NCKAP5: variants seen among roughly 807,000 people sequenced by gnomAD.
NCKAP5 encodes nck-associated protein 5.
A neutral mutation model predicts 167.0 loss-of-function variants in NCKAP5; 92 were observed. The observed-to-expected ratio is 0.55, with a 90% confidence interval of 0.47 to 0.66. The LOEUF is 0.66. Among genes scored for constraint, NCKAP5 ranks in the 30% least tolerant of loss-of-function variants. The pLI is 0.00. For synonymous variants in NCKAP5, 891 were observed against 877.4 expected (o/e 1.02, Z -0.27); for missense variants, 2,378 against 2,315.0 (o/e 1.03, Z -0.56).
Position 132,672,970 on chromosome 2 carries a change from A to G in NCKAP5, c.*319T>C. On this transcript the variant is annotated 3_prime_UTR_variant, in exon 20 of 20. Coordinates refer to ENST00000409261, the MANE Select transcript of NCKAP5 (RefSeq NM_207363.3). ...TCAAGCGGTGCACCCCCCACCCCCC[A>G]CCCATCATTTCTTAAGCGCTCCAGT... 2 of 131,386 alleles carry G rather than the reference A, an allele frequency of 1.5e-5. No individual in the cohort carries two copies. The highest frequency in any genetic ancestry group is 6.4e-4 in the South Asian group (2 of 3,124). The allele number at this position is 131,386 out of a possible 1,614,324, so 8.1% of individuals were successfully genotyped here.
chr2:133,575,233 A>G, the NCKAP5 span, among the ~76,000 whole-genome samples: 2 of 152,232 alleles, frequency 1.3e-5, no homozygotes, highest in African/African-American at 4.8e-5. Flanking sequence ...CTCTGTTGTC[A>G]CTGCTGGCTT....
chr2:133,145,856 A>G (rs2083174125), intron 5 of NCKAP5, among the ~76,000 whole-genome samples: 1 of 152,114 alleles, frequency 6.6e-6, no homozygotes, highest in Admixed American at 6.6e-5. Flanking sequence ...ACCACCCCCA[A>G]GAATTAAAAA....
intron 3 of NCKAP5, among the ~76,000 whole-genome samples, chr2:133,361,945 T>A (rs534626134): frequency 6.6e-6 from 1 of 151,796 alleles, no homozygotes; most frequent in African/African-American, 2.4e-5. Flanking sequence ...ACTATAAGCA[T>A]AAAGAGTGTA....
At chr2:133,555,439 A>G (rs550540138) in intron 2 of NCKAP5, among the ~76,000 whole-genome samples, 99 of 152,358 alleles carry the variant, frequency 6.5e-4, no homozygotes, top group African/African-American at 2.4e-3. Context: ...AGGCTTATAG[A>G]TCAAAAAAGC....
In NCKAP5 at chr2:132,783,657, G is replaced by C. The variant is rs764721742; in HGVS notation, c.3154C>G (p.Gln1052Glu). ...TCCCTTTGTGGGGTCCCAAGTGTTT[G>C]GCGAGGAGAGGTTTTGGGGACACCT... The part of the protein sequence containing the change: ...KRGVPKTSPR[Q>E]TLGTPQRDIG... The change falls in exon 14 of 20, where the codon CAA becomes GAA. Residue 1052 changes from glutamine to glutamate, a missense_variant. This residue lies in a region of NCKAP5 where 1,325 missense variants were observed against 1,274.5 expected (regional missense o/e 1.04). Transcript: ENST00000409261. 4 of 1,613,934 alleles carry C rather than the reference G, an allele frequency of 2.5e-6. No homozygotes were observed. Among genetic ancestry groups the C allele is most frequent in the Non-Finnish European group, 3.4e-6 (4 of 1,179,878 alleles).
intron 3 of NCKAP5, among the ~76,000 whole-genome samples, chr2:133,413,784 T>A (rs1688929043): frequency 6.6e-6 from 1 of 152,202 alleles, no homozygotes; most frequent in Non-Finnish European, 1.5e-5. Context: ...ATCTGATGCC[T>A]TCAGACAGGC....
rs536806735 is a variant in NCKAP5 at position 132,676,976 on chromosome 2, C to T, written c.5714-3671G>A. On this transcript the variant is annotated intron_variant, in intron 19 of 19. Transcript: ENST00000409261. ...AGCTCTCAACTTTCATCTTGGAAAA[C>T]TACTTTATGAATATTAGCCAATATT... Among the ~76,000 whole-genome samples, 55 of 152,260 alleles carry T rather than the reference C, an allele frequency of 3.6e-4. 2 individuals carry two copies. The South Asian group carries it at 0.01, about 28-fold the overall frequency.
chr2:133,037,482 A>T (rs1466878635), intron 6 of NCKAP5, among the ~76,000 whole-genome samples: 4 of 152,142 alleles, frequency 2.6e-5, no homozygotes, highest in African/African-American at 7.2e-5. Context: ...GAAAATCTAG[A>T]AACAAATCCA....
intron 4 of NCKAP5, among the ~76,000 whole-genome samples, chr2:133,300,056 C>T (rs1354091898): frequency 2.2e-5 from 3 of 138,716 alleles, no homozygotes; most frequent in African/African-American, 8.5e-5. Flanking sequence ...TCGACACATA[C>T]ACTCTCCCAA....
chr2:133,497,606 G>C (rs764834650), intron 3 of NCKAP5, among the ~76,000 whole-genome samples: 1 of 152,186 alleles, frequency 6.6e-6, no homozygotes, highest in Middle Eastern at 3.4e-3. Context: ...CTCACTAATC[G>C]CCTTGTCCTA....
chr2:133,589,526 G>C, the NCKAP5 span, among the ~76,000 whole-genome samples: 2 of 152,164 alleles, frequency 1.3e-5, no homozygotes, highest in African/African-American at 4.8e-5. Context: ...AGAGACCCAG[G>C]ATGGAGGTAT....
At chr2:133,444,931 C>T (rs1414315528) in intron 3 of NCKAP5, among the ~76,000 whole-genome samples, 2 of 152,148 alleles carry the variant, frequency 1.3e-5, no homozygotes, top group Non-Finnish European at 2.9e-5. Context: ...TAACTAATTA[C>T]TTGCATTTTA....
At chr2:132,914,726 C>T (rs998337095) in intron 8 of NCKAP5, among the ~76,000 whole-genome samples, 2 of 151,884 alleles carry the variant, frequency 1.3e-5, no homozygotes, top group Admixed American at 1.3e-4. Context: ...TTTCACCACC[C>T]GATAATTTTA....
intron 9 of NCKAP5, among the ~76,000 whole-genome samples, chr2:132,874,071 T>C (rs949976813): frequency 6.6e-6 from 1 of 151,536 alleles, no homozygotes; most frequent in East Asian, 1.9e-4. Flanking sequence ...AAGTGACAAG[T>C]ACGATCGTCT....
At chr2:133,437,767 T>C (rs1284893959) in intron 3 of NCKAP5, among the ~76,000 whole-genome samples, 1 of 152,208 alleles carries the variant, frequency 6.6e-6, no homozygotes, top group Admixed American at 6.5e-5. Context: ...GTTAAGTTAT[T>C]TAAACTCTCC....
chr2:133,445,587 C>A (rs2217836), intron 3 of NCKAP5, among the ~76,000 whole-genome samples: 50,326 of 151,946 alleles, frequency 0.33, 8,688 homozygotes, highest in African/African-American at 0.36. Context: ...CTCTAAGAGG[C>A]TCCAATGCAA....
the NCKAP5 span, among the ~76,000 whole-genome samples, chr2:133,657,178 T>A: frequency 6.6e-6 from 1 of 152,278 alleles, no homozygotes; most frequent in South Asian, 2.1e-4. Context: ...CACACAACAA[T>A]TTTGTTTCCT....
In NCKAP5 at chr2:133,475,180, C is replaced by T. The variant is rs866883725; in HGVS notation, c.69+42278G>A. Among the ~76,000 whole-genome samples the T allele has an allele frequency of 1.0e-3, 155 of 152,284 alleles. 2 individuals are homozygous for T. The highest frequency in any genetic ancestry group is 3.4e-3 in the African/African-American group (141 of 41,568). On this transcript the variant is annotated intron_variant, in intron 3 of 19. Transcript: ENST00000409261. ...GTAATGGATTTCAACAAATGTAAAA[C>T]CATATGCTGGCTGAATTAAACATAT...
chr2:133,395,035 C>T (rs1687650389), intron 3 of NCKAP5, among the ~76,000 whole-genome samples: 1 of 152,190 alleles, frequency 6.6e-6, no homozygotes, highest in Non-Finnish European at 1.5e-5. Flanking sequence ...TAAATGTTAG[C>T]TATTATCATC....
Sources: gnomAD v4.1 joint callset for allele counts (sites outside exome capture counted in the v4.1 genomes callset) on GRCh38, gnomAD v4.1.1 for gene constraint, gnomAD v4.1.1 regional missense constraint, MANE v1.5 for transcripts, NCBI Gene and HGNC (gene_info 2026-07-23, HGNC 2026-07-21) for gene names.